The following PTH2R variants were observed in gnomAD, a reference collection of about 807,000 sequenced individuals.
PTH2R encodes PTH2 receptor.
In PTH2R, 59 loss-of-function variants were observed where a neutral mutation model predicts 60.3. The ratio of observed to expected loss-of-function variants is 0.98; its 90% CI spans 0.79 to 1.22. PTH2R has a LOEUF of 1.22. PTH2R is among the 50% of genes most tolerant of loss of function. The pLI is 0.00. For missense variants in PTH2R, 749 were observed against 682.6 expected (o/e 1.10, Z -1.08); for synonymous variants, 256 against 243.8 (o/e 1.05, Z -0.47).
intron 8 of PTH2R, among the ~76,000 whole-genome samples, chr2:208,452,002 A>G (rs896412409): frequency 2.1e-4 from 32 of 152,212 alleles, no homozygotes; most frequent in Non-Finnish European, 3.8e-4. Flanking sequence ...CAACGGACCC[A>G]AAACACATGA....
intron 1 of PTH2R, among the ~76,000 whole-genome samples, chr2:208,386,992 TTTTAAG>T (rs1282809941): frequency 6.6e-6 from 1 of 152,216 alleles, no homozygotes; most frequent in Non-Finnish European, 1.5e-5. Context: ...ATGAGCAGAA[TTTTAAG>T]TTTAATGCCA....
intron 9 of PTH2R, among the ~76,000 whole-genome samples, chr2:208,460,493 T>C (rs951889082): frequency 1.3e-5 from 2 of 152,174 alleles, no homozygotes; most frequent in African/African-American, 4.8e-5. Flanking sequence ...TTAGATAGAA[T>C]TGAAAGTAAT....
intron 1 of PTH2R, among the ~76,000 whole-genome samples, chr2:208,371,303 C>G (rs571426602): frequency 6.6e-6 from 1 of 152,244 alleles, no homozygotes; most frequent in South Asian, 2.1e-4. Flanking sequence ...TCCAAGAGTT[C>G]TGCTATCATC....
At chr2:208,464,533 A>G (rs1030412290) in intron 9 of PTH2R, among the ~76,000 whole-genome samples, 1 of 152,246 alleles carries the variant, frequency 6.6e-6, no homozygotes, top group African/African-American at 2.4e-5. Context: ...TGAAGGACCA[A>G]GGAGGTCTGC....
chr2:208,397,604 C>A (rs1701236212), intron 1 of PTH2R, among the ~76,000 whole-genome samples: 1 of 152,080 alleles, frequency 6.6e-6, no homozygotes, highest in Non-Finnish European at 1.5e-5. Flanking sequence ...AAGAGGGAAC[C>A]CTGAGTGCGG....
At chr2:208,419,125 A>G (rs1217656105) in intron 1 of PTH2R, among the ~76,000 whole-genome samples, 1 of 152,206 alleles carries the variant, frequency 6.6e-6, no homozygotes, top group Non-Finnish European at 1.5e-5. Context: ...GAACTAGTTT[A>G]CAGTCCCACC....
intron 2 of PTH2R, among the ~76,000 whole-genome samples, chr2:208,431,460 C>T (rs1701970514): frequency 6.6e-6 from 1 of 152,148 alleles, no homozygotes; most frequent in African/African-American, 2.4e-5. Context: ...GTTTAAAGAA[C>T]ATTTCTTTAG....
intron 1 of PTH2R, among the ~76,000 whole-genome samples, chr2:208,393,089 C>T (rs1701138468): frequency 6.6e-6 from 1 of 152,224 alleles, no homozygotes; most frequent in East Asian, 1.9e-4. Context: ...GCTTGCAACG[C>T]TGCTACTAGA....
intron 1 of PTH2R, among the ~76,000 whole-genome samples, chr2:208,400,888 G>A (rs1701295987): frequency 6.6e-6 from 1 of 152,050 alleles, no homozygotes; most frequent in African/African-American, 2.4e-5. Flanking sequence ...AACTTTTATT[G>A]CACAAACATA....
chr2:208,484,222 C>T (rs1249323665), intron 10 of PTH2R, among the ~76,000 whole-genome samples: 2 of 152,210 alleles, frequency 1.3e-5, no homozygotes, highest in Admixed American at 6.5e-5. Flanking sequence ...GATAATCTCT[C>T]CAGGTGAATG....
intron 1 of PTH2R, among the ~76,000 whole-genome samples, chr2:208,414,420 G>A (rs2105839330): frequency 6.6e-6 from 1 of 152,238 alleles, no homozygotes; most frequent in South Asian, 2.1e-4. Flanking sequence ...TTGTGCATGT[G>A]TAGATATAAT....
intron 7 of PTH2R, among the ~76,000 whole-genome samples, chr2:208,449,217 A>C (rs562167165): frequency 1.4e-4 from 22 of 152,354 alleles, no homozygotes; most frequent in Non-Finnish European, 1.0e-4. Context: ...TCATCCTACC[A>C]GAAGCAGCTG....
At chr2:208,424,868 C>T (rs1423561910) in intron 1 of PTH2R, among the ~76,000 whole-genome samples, 3 of 152,056 alleles carry the variant, frequency 2.0e-5, no homozygotes, top group African/African-American at 4.8e-5. Context: ...TGGGGCAGGA[C>T]ACAGTTAGGT....
chr2:208,379,414 T>C (rs916856624), intron 1 of PTH2R, among the ~76,000 whole-genome samples: 1 of 152,146 alleles, frequency 6.6e-6, no homozygotes, highest in Non-Finnish European at 1.5e-5. Flanking sequence ...TCAGCCTGTA[T>C]TTCTGCAGGT....
chr2:208,448,805 C>T (rs1019057850), intron 7 of PTH2R, among the ~76,000 whole-genome samples: 24 of 151,544 alleles, frequency 1.6e-4, no homozygotes, highest in African/African-American at 5.1e-4. Flanking sequence ...TATTAAGACT[C>T]GTGATAAAAA....
intron 12 of PTH2R, among the ~76,000 whole-genome samples, chr2:208,491,149 T>G (rs1167960530): frequency 1.3e-5 from 2 of 152,202 alleles, no homozygotes; most frequent in East Asian, 3.9e-4. Flanking sequence ...ACATTTTACC[T>G]TGTAACTTTT....
intron 1 of PTH2R, among the ~76,000 whole-genome samples, chr2:208,413,325 C>G (rs547232242): frequency 1.8e-4 from 28 of 152,154 alleles, no homozygotes; most frequent in Non-Finnish European, 4.0e-4. Flanking sequence ...TGATGCCACT[C>G]TAGCAATTTC....
chr2:208,368,826 A>G lies in PTH2R; in HGVS notation c.-259+8589A>G, dbSNP rs533801892. Reference sequence around the variant, plus strand: ...AAGCTCAAGGTCAGTGCTTTACCCAAGTAAGACTATTGGAAGGAAATCTCT... The same window carrying G: ...AAGCTCAAGGTCAGTGCTTTACCCAGGTAAGACTATTGGAAGGAAATCTCT... On this transcript the variant is annotated intron_variant, in intron 1 of 12. Transcript: ENST00000617735. Among the ~76,000 whole-genome samples, 4 of 152,326 alleles carry G rather than the reference A, an allele frequency of 2.6e-5. No homozygotes were observed. In the East Asian group the frequency reaches 7.7e-4, roughly 29 times the overall value.
chr2:208,471,321 C>A (rs1179955502), intron 9 of PTH2R, among the ~76,000 whole-genome samples: 1 of 152,206 alleles, frequency 6.6e-6, no homozygotes, highest in East Asian at 1.9e-4. Context: ...TCACAGCAAC[C>A]CCTTCCATCA....
Sources: allele counts gnomAD v4.1 joint callset (sites outside exome capture counted in the v4.1 genomes callset), GRCh38; gene constraint gnomAD v4.1.1; transcripts MANE v1.5; gene names NCBI Gene and HGNC (gene_info 2026-07-23, HGNC 2026-07-21).